Variants in CCNY observed in about 807,000 individuals in gnomAD.
The protein encoded by CCNY is cyclin-Y.
Under a neutral mutation model 42.8 loss-of-function variants are expected in CCNY, and 19 were observed. The observed-to-expected ratio is 0.44, with a 90% CI of 0.31 to 0.65. The LOEUF (loss-of-function observed/expected upper bound fraction) is 0.65. Among genes scored for constraint, CCNY ranks in the 30% least tolerant of loss-of-function variants. The pLI is 0.07. For missense variants in CCNY, 370 were observed against 437.3 expected (o/e 0.85, Z 1.37); for synonymous variants, 165 against 162.7 (o/e 1.01, Z -0.11).
At chr10:35,408,908 CT>C (rs1837842475) in intron 1 of CCNY, among the ~76,000 whole-genome samples, 1 of 150,830 alleles carries the variant, frequency 6.6e-6, no homozygotes, top group Non-Finnish European at 1.5e-5. Context: ...AATGCCTCTA[CT>C]TTGTTCTTTC....
At chr10:35,380,454 G>A (rs1304010453) in intron 1 of CCNY, among the ~76,000 whole-genome samples, 1 of 152,098 alleles carries the variant, frequency 6.6e-6, no homozygotes, top group Non-Finnish European at 1.5e-5. Context: ...TTTCTCTTAC[G>A]TGTTGTATTT....
chr10:35,477,337 AAG>A (rs1839538413), intron 1 of CCNY, among the ~76,000 whole-genome samples: 1 of 151,526 alleles, frequency 6.6e-6, no homozygotes, highest in Non-Finnish European at 1.5e-5. Context: ...ACAACCAAAA[AAG>A]AGAATTTTAG....
At chr10:35,453,851 A>T (rs1838972956) in intron 1 of CCNY, among the ~76,000 whole-genome samples, 2 of 152,306 alleles carry the variant, frequency 1.3e-5, no homozygotes, top group Middle Eastern at 3.4e-3. Context: ...GTAAAAAAAA[A>T]ATTTATATTT....
rs116230009 is a variant in CCNY at position 35,388,899 on chromosome 10, A to G, written c.154+51692A>G. ...TGGCTCATGGCCCCCTCCTGTTTCC[A>G]AAGTCAGTGGCCTACCATGTCTGGA... On this transcript the variant is annotated intron_variant, in intron 1 of 9. Transcript: ENST00000374704. Among the ~76,000 whole-genome samples the G allele has an allele frequency of 7.0e-3, 1,071 of 152,220 alleles. 11 individuals carry two copies. Among genetic ancestry groups the G allele is most frequent in the African/African-American group, 0.025 (1,022 of 41,530 alleles).
intron 1 of CCNY, among the ~76,000 whole-genome samples, chr10:35,445,355 G>T (rs1157625025): frequency 1.3e-5 from 2 of 152,170 alleles, no homozygotes; most frequent in African/African-American, 4.8e-5. Flanking sequence ...GAGCCTGTGG[G>T]ATCCTCAGAA....
intron 8 of CCNY, among the ~76,000 whole-genome samples, chr10:35,558,859 G>A (rs191852001): frequency 2.6e-5 from 4 of 152,362 alleles, no homozygotes; most frequent in East Asian, 3.9e-4. Flanking sequence ...GTGGGACTTT[G>A]TTACCTGTGC....
Position 35,440,723 on chromosome 10 carries a change from G to A in CCNY, c.155-42681G>A, listed in dbSNP as rs531222564. 2.0e-5 allele frequency among the ~76,000 whole-genome samples: 3 copies of A among 152,330 alleles called. No homozygotes were observed. The East Asian group carries it at 5.8e-4, about 29-fold the overall frequency. On this transcript the variant is annotated intron_variant, in intron 1 of 9. Transcript: ENST00000374704. ...GATTCTGGGCAGCAGAAAGGACGGA[G>A]CCTAGAGCAGTTTCCAAAGTAGAAT...
intron 1 of CCNY, among the ~76,000 whole-genome samples, chr10:35,431,401 CCTCTCTCTCTCTCTCTCTCT>C (rs1177072692): frequency 1.6e-3 from 5 of 3,060 alleles, no homozygotes; most frequent in Non-Finnish European, 3.4e-3. Context: ...CCCCTCCCCT[CCTCTCTCTCTCTCTCTCTCT>C]CTCTCTCTCT....
At chr10:35,446,384 G>A (rs1396007166) in intron 1 of CCNY, among the ~76,000 whole-genome samples, 1 of 152,168 alleles carries the variant, frequency 6.6e-6, no homozygotes, top group Non-Finnish European at 1.5e-5. Context: ...CATGCTCAGT[G>A]AAAAATGTGG....
intron 3 of CCNY, among the ~76,000 whole-genome samples, chr10:35,502,565 G>A (rs1480909296): frequency 6.6e-6 from 1 of 152,176 alleles, no homozygotes; most frequent in Non-Finnish European, 1.5e-5. Context: ...TGACTTCTTT[G>A]TAGTCAGTGT....
chr10:35,401,805 A>G (rs1837651060), intron 1 of CCNY, among the ~76,000 whole-genome samples: 1 of 152,176 alleles, frequency 6.6e-6, no homozygotes, highest in Non-Finnish European at 1.5e-5. Flanking sequence ...TACATTCTCA[A>G]GGGCGGGGAG....
At chr10:35,541,123 A>G (rs181113258) in intron 7 of CCNY, among the ~76,000 whole-genome samples, 12 of 150,490 alleles carry the variant, frequency 8.0e-5, no homozygotes, top group African/African-American at 2.9e-4. Flanking sequence ...ATTTTTTTTT[A>G]ATACAGGCAT....
intron 7 of CCNY, among the ~76,000 whole-genome samples, chr10:35,548,947 A>T (rs578029355): frequency 1.3e-5 from 2 of 152,304 alleles, no homozygotes; most frequent in East Asian, 3.9e-4. Context: ...GGTTTTTAAG[A>T]TTTAAAAAAC....
In CCNY at chr10:35,433,781, G is replaced by C. The variant is rs545409921; in HGVS notation, c.155-49623G>C. On this transcript the variant is annotated intron_variant, in intron 1 of 9. Transcript: ENST00000374704. ...CACGTGCCACCATGCCTAATTTTTT[G>C]TATTTTTAGTAGAGATAGAGTTTCA... 3.9e-5 allele frequency among the ~76,000 whole-genome samples: 6 copies of C among 152,228 alleles called. No homozygotes were observed. In the South Asian group the frequency reaches 1.0e-3, roughly 26 times the overall value.
chr10:35,269,475 T>C (rs2095728935), intron 3 of CCNY, among the ~76,000 whole-genome samples: 1 of 151,230 alleles, frequency 6.6e-6, no homozygotes, highest in Admixed American at 6.6e-5. Flanking sequence ...GGCTAAGTTT[T>C]GTATTTTTAG....
At chr10:35,303,306 G>A (rs1037244707) in intron 3 of CCNY, among the ~76,000 whole-genome samples, 1 of 151,616 alleles carries the variant, frequency 6.6e-6, no homozygotes, top group Non-Finnish European at 1.5e-5. Flanking sequence ...TCAGCCTCCC[G>A]AGTAGCTGGG....
chr10:35,466,777 G>A (rs543821444), intron 1 of CCNY, among the ~76,000 whole-genome samples: 82 of 152,246 alleles, frequency 5.4e-4, no homozygotes, highest in African/African-American at 1.9e-3. Context: ...TGGTTTTGTG[G>A]TGTTTTTTAA....
intron 1 of CCNY, among the ~76,000 whole-genome samples, chr10:35,449,566 G>A (rs553736880): frequency 1.3e-5 from 2 of 151,218 alleles, no homozygotes; most frequent in South Asian, 2.1e-4. Context: ...GAGAGCTGTA[G>A]TTCGGTTTTT....
At position 35,451,647 on chromosome 10, in the gene CCNY, CG is replaced by C. The variant is rs770722673; in HGVS notation, c.155-31754del. On this transcript the variant is annotated intron_variant, in intron 1 of 9. Coordinates refer to ENST00000374704, the MANE Select transcript of CCNY (RefSeq NM_145012.6). ...GGCTCAACAATACAGTGTTACCAGG[CG>C]GGTTGAGAATGGACACCCACAAGCC... 8.4e-4 allele frequency among the ~76,000 whole-genome samples: 128 copies of C among 152,292 alleles called. 1 individual carries two copies. In the Middle Eastern group the frequency reaches 0.014, roughly 16 times the overall value.
Sources: gnomAD v4.1 joint callset for allele counts (sites outside exome capture counted in the v4.1 genomes callset) on GRCh38, gnomAD v4.1.1 for gene constraint, MANE v1.5 for transcripts, NCBI Gene and HGNC (gene_info 2026-07-23, HGNC 2026-07-21) for gene names.